GREB1L: variants seen among roughly 807,000 people sequenced by gnomAD.
GREB1L encodes GREB1-like protein.
A neutral mutation model predicts 200.8 loss-of-function variants in GREB1L; 17 were observed. That is an observed-to-expected ratio of 0.08 (90% CI 0.06 to 0.13). The LOEUF (loss-of-function observed/expected upper bound fraction) is 0.13. Ranked by LOEUF, GREB1L falls within the 10% of genes least tolerant of loss-of-function variation. The pLI, the probability that GREB1L is intolerant of heterozygous loss-of-function variation, is 1.00. For synonymous variants in GREB1L, 789 were observed against 893.0 expected (o/e 0.88, Z 2.08); for missense variants, 1,657 against 2,367.7 (o/e 0.70, Z 6.23).
chr18:21,439,478 G>GC lies in GREB1L; in HGVS notation c.833-40dup, dbSNP rs779196019. The GC allele has an allele frequency of 2.5e-6, 3 of 1,216,258 alleles. 1 individual carries two copies. In the South Asian group the frequency reaches 3.9e-5, roughly 16 times the overall value. 75.3% of individuals were successfully genotyped at this position (1,216,258 alleles called of 1,614,324 possible). ...CCAGCATCCCAGAAAGCAGTGCCCC[G>GC]CCCAGCCTCTGTTCTGAGCACTCCT... On this transcript the variant is annotated intron_variant, in intron 7 of 32. Coordinates refer to ENST00000424526, the MANE Select transcript of GREB1L (RefSeq NM_001142966.3).
At chr18:21,285,019 T>A (rs559316654) in intron 1 of GREB1L, among the ~76,000 whole-genome samples, 185 of 152,340 alleles carry the variant, frequency 1.2e-3, no homozygotes, top group African/African-American at 4.3e-3. Flanking sequence ...CAGTTTTTGA[T>A]CATATTTGCC....
At position 21,500,093 on chromosome 18, in the gene GREB1L, C is replaced by T. The variant is rs1056339581; in HGVS notation, c.3756C>T (p.Ser1252=). Residue 1252 remains serine, a synonymous_variant, in exon 22 of 33, where the codon TCC becomes TCT. Transcript: ENST00000424526. ...CCCAGAAGAGTGGCAAGCTGCCATCCTCCTCCTCCCTGCTGCCCCACGCCG... is the reference window on the plus strand; with the variant it reads ...CCCAGAAGAGTGGCAAGCTGCCATCTTCCTCCTCCCTGCTGCCCCACGCCG... The part of the protein sequence containing the change: ...LGSQKSGKLP[S]SSSLLPHADV... 21 of 1,551,548 alleles carry T rather than the reference C, an allele frequency of 1.4e-5. No homozygotes were observed. The highest frequency in any genetic ancestry group is 1.8e-5 in the Non-Finnish European group (21 of 1,146,982).
At chr18:21,302,720 T>TTTG (rs1178816192) in intron 1 of GREB1L, among the ~76,000 whole-genome samples, 2 of 151,922 alleles carry the variant, frequency 1.3e-5, no homozygotes, top group Non-Finnish European at 2.9e-5. Context: ...TTCCATAATG[T>TTTG]TTGTTTGTTT....
chr18:21,377,705 A>C (rs551614821), intron 2 of GREB1L, among the ~76,000 whole-genome samples: 3 of 151,780 alleles, frequency 2.0e-5, no homozygotes, highest in African/African-American at 7.3e-5. Flanking sequence ...GTCTCAAAAA[A>C]TTTTTTTAAA....
chr18:21,251,947 A>G (rs2037712957), intron 1 of GREB1L, among the ~76,000 whole-genome samples: 1 of 150,762 alleles, frequency 6.6e-6, no homozygotes, highest in South Asian at 2.1e-4. Context: ...TCCATCTCAA[A>G]AAAAAAAAAA....
At chr18:21,248,312 A>AT (rs1428474904) in intron 1 of GREB1L, among the ~76,000 whole-genome samples, 1 of 152,180 alleles carries the variant, frequency 6.6e-6, no homozygotes, top group Non-Finnish European at 1.5e-5. Flanking sequence ...TTGCTAGGCC[A>AT]TTTGATTTTT....
At chr18:21,425,370 G>A (rs975508821) in intron 7 of GREB1L, among the ~76,000 whole-genome samples, 2 of 152,158 alleles carry the variant, frequency 1.3e-5, no homozygotes, top group Admixed American at 1.3e-4. Flanking sequence ...TTTGTGCACA[G>A]GTTTTTGGCT....
intron 1 of GREB1L, among the ~76,000 whole-genome samples, chr18:21,291,382 A>C (rs1598634533): frequency 6.6e-6 from 1 of 151,736 alleles, no homozygotes; most frequent in African/African-American, 2.4e-5. Context: ...TCTACCCTTC[A>C]CTCACTATCC....
chr18:21,303,619 C>G (rs1452312439), intron 1 of GREB1L, among the ~76,000 whole-genome samples: 2 of 152,200 alleles, frequency 1.3e-5, no homozygotes, highest in African/African-American at 4.8e-5. Context: ...TCAAAAAGAT[C>G]TAAGGTCATT....
intron 28 of GREB1L, among the ~76,000 whole-genome samples, chr18:21,514,974 C>T (rs1281169607): frequency 6.6e-6 from 1 of 152,224 alleles, no homozygotes; most frequent in Non-Finnish European, 1.5e-5. Flanking sequence ...CATTGCAACA[C>T]TGTGCCAGCT....
At chr18:21,418,689 A>C (rs550915260) in intron 7 of GREB1L, among the ~76,000 whole-genome samples, 1 of 151,720 alleles carries the variant, frequency 6.6e-6, no homozygotes, top group African/African-American at 2.4e-5. Flanking sequence ...CGCCCAGCTA[A>C]TTTTTTTGTA....
intron 20 of GREB1L, 122 bp downstream of exon 20, chr18:21,495,907 T>C (rs2036526136): frequency 3.5e-6 from 2 of 577,138 alleles, no homozygotes; most frequent in South Asian, 5.2e-5. Flanking sequence ...GATTGTTTAA[T>C]GCAGGGATAC....
intron 15 of GREB1L, among the ~76,000 whole-genome samples, chr18:21,458,155 G>A (rs2034863213): frequency 6.6e-6 from 1 of 151,962 alleles, no homozygotes; most frequent in Admixed American, 6.6e-5. Flanking sequence ...ATTTTTAGTA[G>A]AGACAGGGTT....
intron 1 of GREB1L, among the ~76,000 whole-genome samples, chr18:21,313,148 TTTTAATATTTTTTAAAATATTA>T (rs1260379686): frequency 6.6e-6 from 1 of 151,654 alleles, no homozygotes; most frequent in Non-Finnish European, 1.5e-5. Flanking sequence ...ACAGAGAAGA[TTTTAATATTTTTTAAAATATTA>T]AAAAATATTA....
chr18:21,266,025 A>T (rs2144183347), intron 1 of GREB1L, among the ~76,000 whole-genome samples: 1 of 152,312 alleles, frequency 6.6e-6, no homozygotes, highest in Admixed American at 6.5e-5. Flanking sequence ...ATGTATCAGG[A>T]GGCCCTTGTT....
chr18:21,434,082 C>T (rs775573356), intron 7 of GREB1L, among the ~76,000 whole-genome samples: 10 of 152,058 alleles, frequency 6.6e-5, no homozygotes, highest in Non-Finnish European at 1.3e-4. Context: ...AACTTTCTTT[C>T]AGAGAAAAAT....
In GREB1L at chr18:21,384,359, C is replaced by T. The variant is rs1254264958; in HGVS notation, c.311C>T (p.Pro104Leu). 3 of 1,551,644 alleles carry T rather than the reference C, an allele frequency of 1.9e-6. No individual in the cohort carries two copies. Among genetic ancestry groups the T allele is most frequent in the Non-Finnish European group, 2.6e-6 (3 of 1,146,990 alleles). The change falls in exon 4 of 33, where the codon CCC (proline) becomes CTC (leucine). Residue 104 changes from proline to leucine, a missense_variant. By Grantham distance (98) the Pro-to-Leu change is moderately conservative. This residue lies in a region of GREB1L where 121 missense variants were observed against 126.6 expected (regional missense o/e 0.96). Transcript: ENST00000424526. ...TCTGATTCAAACAGCCCACCAATTC[C>T]CTATTCACAAAAACCTGCCCCAGAA... is the stretch of plus-strand genomic sequence containing the variant. ...EMSDSNSPPI[P>L]YSQKPAPEGS...
Position 21,477,627 on chromosome 18 carries a change from A to G in GREB1L, c.2556+271A>G, listed in dbSNP as rs536282331. On this transcript the variant is annotated intron_variant, in intron 17 of 32. Coordinates refer to ENST00000424526, the MANE Select transcript of GREB1L (RefSeq NM_001142966.3). The stretch of plus-strand genomic sequence containing the variant: ...CGGTGAAACCCCGTCTCTACTAAAA[A>G]TACAAAAAATTAGCCGGGTGTGCTG... Among the ~76,000 whole-genome samples the G allele has an allele frequency of 3.9e-5, 6 of 152,298 alleles. No individual in the cohort carries two copies. The South Asian group carries it at 1.2e-3, about 32-fold the overall frequency.
At chr18:21,263,770 G>A (rs2037924727) in intron 1 of GREB1L, among the ~76,000 whole-genome samples, 1 of 152,164 alleles carries the variant, frequency 6.6e-6, no homozygotes, top group South Asian at 2.1e-4. Flanking sequence ...AGGGATCTCT[G>A]TCACCTAGCA....
Sources: gnomAD v4.1 joint callset for allele counts (sites outside exome capture counted in the v4.1 genomes callset) on GRCh38, gnomAD v4.1.1 for gene constraint, gnomAD v4.1.1 regional missense constraint, MANE v1.5 for transcripts, NCBI Gene and HGNC (gene_info 2026-07-23, HGNC 2026-07-21) for gene names.